The following UBOX5 variants were observed in gnomAD, a reference collection of about 807,000 sequenced individuals.
UBOX5 encodes the protein U-box domain containing 5.
UBOX5 carries 28 observed loss-of-function variants against 39.0 expected under a neutral mutation model. The observed-to-expected ratio is 0.72, with a 90% CI of 0.53 to 0.98. UBOX5 has a LOEUF of 0.98. Ranked by LOEUF, UBOX5 falls within the 50% of genes least tolerant of loss-of-function variation. The pLI is 0.00. For missense variants in UBOX5, 585 were observed against 674.4 expected (o/e 0.87, Z 1.47); for synonymous variants, 283 against 275.5 (o/e 1.03, Z -0.27).
intron 1 of UBOX5, among the ~76,000 whole-genome samples, chr20:3,154,318 G>A (rs2066662960): frequency 6.6e-6 from 1 of 152,162 alleles, no homozygotes; most frequent in Non-Finnish European, 1.5e-5. Flanking sequence ...GATACAAAAA[G>A]CCATGCTAAT....
intron 1 of UBOX5, among the ~76,000 whole-genome samples, chr20:3,138,233 A>G (rs1310515657): frequency 6.6e-6 from 1 of 151,404 alleles, no homozygotes; most frequent in African/African-American, 2.4e-5. Flanking sequence ...GGATCACACC[A>G]CTGCACTCCA....
Position 3,122,336 on chromosome 20 carries a change from G to A in UBOX5, c.303C>T (p.Thr101=), listed in dbSNP as rs2066344888. ...GGACAGATGGCTCAGCTGGGCCCAG[G>A]GTCCGGCACTGGGGCGTATTCCAAG... ...RVSWNTPQCR[T]LGPAEPSVPD... is the part of the protein sequence containing the mutation. The change falls in exon 3 of 5, where the codon ACC becomes ACT. Residue 101 remains threonine (T), a synonymous_variant. Coordinates refer to ENST00000217173, the MANE Select transcript of UBOX5 (RefSeq NM_014948.4). 1 of 1,614,106 alleles carries A rather than the reference G, an allele frequency of 6.2e-7. No individual in the cohort carries two copies. Among genetic ancestry groups the A allele is most frequent in the African/African-American group, 1.3e-5 (1 of 74,944 alleles).
Position 3,110,510 on chromosome 20 carries a change from C to G in UBOX5, c.1418-196G>C, listed in dbSNP as rs555519144. On this transcript the variant is annotated intron_variant, in intron 4 of 4. Transcript: ENST00000217173. ...GGAACCCGGGAGGCCTCTTCTCTAT[C>G]ATCTTTGACCAAATCTCAGTGCCTC... The G allele has an allele frequency of 3.4e-5, 21 of 614,060 alleles. No homozygotes were observed. The East Asian group carries it at 5.0e-4, about 15-fold the overall frequency. The allele number at this position is 614,060 out of a possible 1,614,324, so 38.0% of individuals were successfully genotyped here. A position where few individuals can be genotyped will look rare whatever the true frequency, so the allele number is the denominator to read the frequency against.
In UBOX5 at chr20:3,122,413, G is replaced by A; in HGVS notation, c.226C>T (p.Gln76Ter). The change falls in exon 3 of 5, where the codon CAG becomes TAG. Residue 76 changes from glutamine (Q) to a stop codon, truncating the protein, a stop_gained. Transcript: ENST00000217173. LOFTEE classifies it high-confidence loss of function. ...TACATTTCCAGGCCAGTGACGTTCT[G>A]ACCTCCCCCAGCTGTGAGGTCTATG... is the stretch of plus-strand genomic sequence containing the variant. ...INIDLTAGGG[Q>*]NVTGLEMYTS... 4 of 1,614,156 alleles carry A rather than the reference G, an allele frequency of 2.5e-6. No homozygotes were observed. The highest frequency in any genetic ancestry group is 3.4e-6 in the Non-Finnish European group (4 of 1,180,030).
At chr20:3,123,260 A>C in intron 2 of UBOX5, 52 bp downstream of exon 2, 1 of 1,565,740 alleles carries the variant, frequency 6.4e-7, no homozygotes, top group Non-Finnish European at 8.8e-7. Context: ...GAAATGATGA[A>C]ACACATGACA....
rs748263578 is a variant in UBOX5 at position 3,148,789 on chromosome 20, G to T, written c.-42+10977C>A. 14 of 1,614,122 alleles carry T rather than the reference G, an allele frequency of 8.7e-6. No homozygotes were observed. In the Admixed American group the frequency reaches 2.3e-4, roughly 27 times the overall value. On this transcript the variant is annotated intron_variant, in intron 1 of 4. Coordinates refer to ENST00000217173, the MANE Select transcript of UBOX5 (RefSeq NM_014948.4). ...CATCAACTCCTGTGGCCCTGGGTGAGCCCAGCTGCAATGTACTGGCCTTAG... is the reference window on the plus strand; with the variant it reads ...CATCAACTCCTGTGGCCCTGGGTGATCCCAGCTGCAATGTACTGGCCTTAG...
chr20:3,154,323 G>C (rs1568484149), intron 1 of UBOX5, among the ~76,000 whole-genome samples: 1 of 152,188 alleles, frequency 6.6e-6, no homozygotes, highest in Non-Finnish European at 1.5e-5. Flanking sequence ...AAAAAGCCAT[G>C]CTAATAAAAA....
At chr20:3,115,818 C>T (rs551257194) in intron 3 of UBOX5, among the ~76,000 whole-genome samples, 60 of 132,794 alleles carry the variant, frequency 4.5e-4, no homozygotes, top group African/African-American at 1.7e-3. Flanking sequence ...AGAAGGAGTG[C>T]AGGGGTGCCA....
intron 1 of UBOX5, 64 bp downstream of exon 1, chr20:3,159,702 C>A (rs1470556737): frequency 1.3e-5 from 2 of 152,420 alleles, no homozygotes; most frequent in African/African-American, 4.8e-5. Context: ...CAGGCCAAGG[C>A]CCAGGACGGT....
chr20:3,126,887 G>A (rs565593707), intron 1 of UBOX5, among the ~76,000 whole-genome samples: 2 of 151,536 alleles, frequency 1.3e-5, no homozygotes, highest in Non-Finnish European at 2.9e-5. Context: ...AATACAAAAA[G>A]CAGTTGGGCA....
Position 3,149,389 on chromosome 20 carries a change from A to C in UBOX5, c.-42+10377T>G. 1 of 318,716 alleles carries C rather than the reference A, an allele frequency of 3.1e-6. No individual in the cohort carries two copies. Among genetic ancestry groups the C allele is most frequent in the Non-Finnish European group, 5.8e-6 (1 of 173,158 alleles). The allele number at this position is 318,716 out of a possible 1,614,324, so 19.7% of individuals were successfully genotyped here. A position where few individuals can be genotyped will look rare whatever the true frequency, so the allele number is the denominator to read the frequency against. ...TAAGTTCAATGCTAGTAAATGCCCAAACCACATGACAGCATATATCAAGGA... is the reference window on the plus strand; with the variant it reads ...TAAGTTCAATGCTAGTAAATGCCCACACCACATGACAGCATATATCAAGGA... On this transcript the variant is annotated intron_variant, in intron 1 of 4. Coordinates refer to ENST00000217173, the MANE Select transcript of UBOX5 (RefSeq NM_014948.4). This position sits in a 1 kb window ranked among gnomAD's most constrained non-coding sequence, Gnocchi z 4.1.
chr20:3,131,879 G>A (rs530390435), intron 1 of UBOX5, among the ~76,000 whole-genome samples: 5 of 151,956 alleles, frequency 3.3e-5, no homozygotes, highest in Admixed American at 1.3e-4. Flanking sequence ...AAGGTGGCGG[G>A]CACCTGTAAT....
At chr20:3,118,239 G>C (rs2066308701) in intron 3 of UBOX5, among the ~76,000 whole-genome samples, 1 of 152,134 alleles carries the variant, frequency 6.6e-6, no homozygotes, top group African/African-American at 2.4e-5. Flanking sequence ...TTGGGAGGCT[G>C]AGGCAGGTAG....
At chr20:3,148,949 T>C (rs2066597270) in intron 1 of UBOX5, 9 of 1,614,232 alleles carry the variant, frequency 5.6e-6, no homozygotes, top group Non-Finnish European at 7.6e-6. Context: ...TGGAGGGTCC[T>C]GTCCCCCATG....
chr20:3,114,657 A>G lies in UBOX5; in HGVS notation c.1417+648T>C, dbSNP rs137914073. On this transcript the variant is annotated intron_variant, in intron 4 of 4. Coordinates refer to ENST00000217173, the MANE Select transcript of UBOX5 (RefSeq NM_014948.4). ...TGCAGACTGGCTAGATGAGAAAAAA[A>G]TAACAAAAAAGGCCAGGCGCGGTGG... 5.3e-5 allele frequency among the ~76,000 whole-genome samples: 8 copies of G among 152,248 alleles called. No individual in the cohort carries two copies. In the East Asian group the frequency reaches 1.2e-3, roughly 22 times the overall value.
intron 4 of UBOX5, among the ~76,000 whole-genome samples, chr20:3,113,308 A>AT (rs2066268897): frequency 6.6e-6 from 1 of 151,446 alleles, no homozygotes; most frequent in African/African-American, 2.4e-5. Flanking sequence ...AAAAAAAAAA[A>AT]AAAAAAAAAG....
At chr20:3,153,780 A>G (rs746657183) in intron 1 of UBOX5, among the ~76,000 whole-genome samples, 2 of 152,152 alleles carry the variant, frequency 1.3e-5, no homozygotes, top group Non-Finnish European at 2.9e-5. Flanking sequence ...AATGCTTGAG[A>G]CCAGAAGTGT....
At chr20:3,153,371 C>G (rs2066650797) in intron 1 of UBOX5, among the ~76,000 whole-genome samples, 2 of 152,174 alleles carry the variant, frequency 1.3e-5, no homozygotes, top group African/African-American at 4.8e-5. Context: ...AGGCTTAGAG[C>G]CTTGTAAAGC....
At chr20:3,131,028 A>G (rs1031476771) in intron 1 of UBOX5, among the ~76,000 whole-genome samples, 1 of 152,004 alleles carries the variant, frequency 6.6e-6, no homozygotes, top group Non-Finnish European at 1.5e-5. Context: ...TCAGGAGTTC[A>G]AGACCAGCCT....
Sources: allele counts gnomAD v4.1 joint callset (sites outside exome capture counted in the v4.1 genomes callset), GRCh38; gene constraint gnomAD v4.1.1; non-coding constraint Gnocchi (gnomAD v3.1); transcripts MANE v1.5; gene names NCBI Gene and HGNC (gene_info 2026-07-23, HGNC 2026-07-21).